The following FXR1 variants were observed in gnomAD, a reference collection of about 807,000 sequenced individuals.
FXR1 encodes the protein FMR1 autosomal homolog 1.
A neutral mutation model predicts 84.0 loss-of-function variants in FXR1; 15 were observed. The observed-to-expected ratio is 0.18, with a 90% confidence interval of 0.12 to 0.27. The LOEUF (loss-of-function observed/expected upper bound fraction) is 0.27. Ranked by LOEUF, FXR1 falls within the 10% of genes least tolerant of loss-of-function variation. The pLI is 1.00. For synonymous variants in FXR1, 245 were observed against 250.7 expected, an observed-to-expected ratio of 0.98 and a Z score of 0.21; for missense variants, 480 against 774.4, an observed-to-expected ratio of 0.62 and a Z score of 4.51.
At chr3:180,932,779 A>G (rs758476348) in intron 1 of FXR1, among the ~76,000 whole-genome samples, 7 of 152,224 alleles carry the variant, frequency 4.6e-5, no homozygotes, top group Non-Finnish European at 1.0e-4. Context: ...GGAGTCATGC[A>G]TTTTACTGAA....
At chr3:180,955,065 G>A (rs763309722) in intron 9 of FXR1, among the ~76,000 whole-genome samples, 19 of 150,400 alleles carry the variant, frequency 1.3e-4, no homozygotes, top group South Asian at 6.3e-4. Flanking sequence ...TGCAATCTCG[G>A]CTCACTGCAA....
intron 1 of FXR1, chr3:180,914,827 T>A: frequency 3.0e-6 from 3 of 984,896 alleles, no homozygotes; most frequent in Non-Finnish European, 3.6e-6. Flanking sequence ...ACTAGCCACC[T>A]GTGTGTGCAC....
intron 3 of FXR1, among the ~76,000 whole-genome samples, chr3:180,936,888 A>G (rs1720583463): frequency 6.6e-6 from 1 of 152,186 alleles, no homozygotes; most frequent in South Asian, 2.1e-4. Flanking sequence ...GATACCTGTA[A>G]CTATCTGTGT....
chr3:180,950,780 T>C (rs1422930741), intron 7 of FXR1, among the ~76,000 whole-genome samples: 1 of 152,218 alleles, frequency 6.6e-6, no homozygotes, highest in African/African-American at 2.4e-5. Flanking sequence ...AAGGTTCATC[T>C]ATGTAGCATG....
chr3:180,935,781 A>T (rs190228524), intron 3 of FXR1, among the ~76,000 whole-genome samples: 1 of 152,240 alleles, frequency 6.6e-6, no homozygotes, highest in Non-Finnish European at 1.5e-5. Context: ...TCACAGATGA[A>T]TAAAACATTG....
intron 14 of FXR1, among the ~76,000 whole-genome samples, chr3:180,969,873 A>G (rs567048903): frequency 1.3e-5 from 2 of 152,242 alleles, no homozygotes; most frequent in East Asian, 1.9e-4. Context: ...TTAATACACT[A>G]TTTTCTAATG....
In FXR1 at chr3:180,980,533, GTTGC is replaced by G. The variant is rs1714560570; in HGVS notation, c.*4245_*4248del. On this transcript the variant is annotated 3_prime_UTR_variant, in exon 17 of 17. Transcript: ENST00000357559. ...CTAGATAAACAATTTATACTTAATT[GTTGC>G]TTGGTTGCTTACATTTCAACCTCTA... 1.3e-5 allele frequency: 2 copies of G among 151,742 alleles called. No homozygotes were observed. Among genetic ancestry groups the G allele is most frequent in the African/African-American group, 2.4e-5 (1 of 41,322 alleles). 9.4% of individuals were successfully genotyped at this position (151,742 alleles called of 1,614,324 possible).
intron 7 of FXR1, among the ~76,000 whole-genome samples, chr3:180,949,885 A>G (rs3026196): frequency 0.03 from 4,552 of 152,294 alleles, 233 homozygotes; most frequent in African/African-American, 0.1. Context: ...CTAAGAAACT[A>G]GGGATACTCA....
In FXR1 at chr3:180,976,155, G is replaced by A. The variant is rs149239435; in HGVS notation, c.1729G>A (p.Glu577Lys). The A allele has an allele frequency of 6.2e-7, 1 of 1,613,036 alleles. No individual in the cohort carries two copies. The highest frequency in any genetic ancestry group is 1.3e-5 in the African/African-American group (1 of 74,876). ...TGTGATTGAAGAGCATGGTCCTTCA[G>A]AAAAGGCAATAAACGGCCCAACTAG... Reference protein sequence around the residue: ...KDVIEEHGPSEKAINGPTSAS... With the variant: ...KDVIEEHGPSKKAINGPTSAS... The change falls in exon 17 of 17, where the codon GAA becomes AAA. Residue 577 changes from glutamate (E) to lysine (K), a missense_variant. Around this residue, in one of 6 missense-constraint regions of FXR1, gnomAD observed 94 missense variants for 81.8 expected, o/e 1.15. Coordinates refer to ENST00000357559, the MANE Select transcript of FXR1 (RefSeq NM_005087.4).
chr3:180,931,026 C>CAAAAAAACAAAAAA (rs1719827302), intron 1 of FXR1, among the ~76,000 whole-genome samples: 1 of 55,642 alleles, frequency 1.8e-5, no homozygotes, highest in African/African-American at 6.0e-5. Flanking sequence ...GAGACTGCCT[C>CAAAAAAACAAAAAA]AAAAAAAAAA....
intron 1 of FXR1, among the ~76,000 whole-genome samples, chr3:180,921,393 G>A (rs1269237385): frequency 6.7e-6 from 1 of 149,774 alleles, no homozygotes; most frequent in African/African-American, 2.5e-5. Context: ...AAAAAAACTT[G>A]TAATAATTAT....
rs1388024941 is a variant in FXR1 at position 180,982,008 on chromosome 3, T to G, written c.*5716T>G. On this transcript the variant is annotated 3_prime_UTR_variant, in exon 17 of 17. Coordinates refer to ENST00000357559, the MANE Select transcript of FXR1 (RefSeq NM_005087.4). ...AGATCTGTAGAGATAAGTACTAGACTCACATCTCAGTACTATCAAGGAAAA... is the reference window on the plus strand; with the variant it reads ...AGATCTGTAGAGATAAGTACTAGACGCACATCTCAGTACTATCAAGGAAAA... The G allele has an allele frequency of 6.6e-6, 1 of 152,008 alleles. No individual in the cohort carries two copies. Among genetic ancestry groups the G allele is most frequent in the African/African-American group, 2.4e-5 (1 of 41,426 alleles). 9.4% of individuals were successfully genotyped at this position (152,008 alleles called of 1,614,324 possible).
chr3:180,932,391 C>T (rs1449977643), intron 1 of FXR1, among the ~76,000 whole-genome samples: 1 of 152,144 alleles, frequency 6.6e-6, no homozygotes, highest in African/African-American at 2.4e-5. Context: ...AGTTCTGATT[C>T]ATAGTAATAT....
At chr3:180,940,072 C>G (rs1720953959) in intron 3 of FXR1, among the ~76,000 whole-genome samples, 1 of 152,154 alleles carries the variant, frequency 6.6e-6, no homozygotes, top group South Asian at 2.1e-4. Flanking sequence ...GAAGTTACAG[C>G]ACATAAAGTA....
intron 9 of FXR1, among the ~76,000 whole-genome samples, chr3:180,955,920 A>G (rs1445658831): frequency 6.6e-6 from 1 of 152,146 alleles, no homozygotes; most frequent in Non-Finnish European, 1.5e-5. Flanking sequence ...TGTGTGCTCT[A>G]TAGGAAATAC....
chr3:180,965,668 T>C (rs1013429923), intron 13 of FXR1, among the ~76,000 whole-genome samples: 3 of 152,192 alleles, frequency 2.0e-5, no homozygotes, highest in African/African-American at 7.2e-5. Flanking sequence ...TCCAGGATAA[T>C]CTCTCTATCT....
At chr3:180,973,848 AT>A (rs1244084110) in intron 15 of FXR1, among the ~76,000 whole-genome samples, 1 of 152,168 alleles carries the variant, frequency 6.6e-6, no homozygotes, top group Non-Finnish European at 1.5e-5. Flanking sequence ...TTAGCATGTT[AT>A]TTCATAATTA....
At chr3:180,947,325 G>A (rs1021300314) in intron 3 of FXR1, among the ~76,000 whole-genome samples, 8 of 152,194 alleles carry the variant, frequency 5.3e-5, no homozygotes, top group African/African-American at 1.4e-4. Context: ...GGGATTACAG[G>A]TGTGAGCCAC....
At chr3:180,957,535 GATATAAGC>G in intron 9 of FXR1, 3 of 252,012 alleles carry the variant, frequency 1.2e-5, no homozygotes, top group Non-Finnish European at 2.2e-5. Flanking sequence ...ATATGAAAAT[GATATAAGC>G]ATATTTTAAA....
Sources: gnomAD v4.1 joint callset for allele counts (sites outside exome capture counted in the v4.1 genomes callset) on GRCh38, gnomAD v4.1.1 for gene constraint, gnomAD v4.1.1 regional missense constraint, MANE v1.5 for transcripts, NCBI Gene and HGNC (gene_info 2026-07-23, HGNC 2026-07-21) for gene names.